The following TMX4 variants were observed in gnomAD, a reference collection of about 807,000 sequenced individuals.
TMX4 encodes thioredoxin-related transmembrane protein 4.
Under a neutral mutation model 33.3 loss-of-function variants are expected in TMX4, and 23 were observed. The ratio of observed to expected loss-of-function variants is 0.69; its 90% CI spans 0.50 to 0.98. TMX4 has a LOEUF of 0.98. Ranked by LOEUF, TMX4 falls within the 50% of genes least tolerant of loss-of-function variation. The probability of loss-of-function intolerance (pLI) is 0.00; values close to 1 mark genes in which losing one functional copy is unlikely to be tolerated. For synonymous variants in TMX4, 164 were observed against 161.5 expected, an observed-to-expected ratio of 1.02 and a Z score of -0.12; for missense variants, 399 against 448.9, an observed-to-expected ratio of 0.89 and a Z score of 1.01.
At chr20:7,983,305 C>T (rs1215946478) in intron 7 of TMX4, among the ~76,000 whole-genome samples, 2 of 152,048 alleles carry the variant, frequency 1.3e-5, no homozygotes, top group African/African-American at 4.8e-5. Flanking sequence ...ATTTAAACTC[C>T]CACATAAAAT....
intron 7 of TMX4, 44 bp downstream of exon 7, chr20:7,983,750 G>T: frequency 1.3e-6 from 2 of 1,567,830 alleles, no homozygotes; most frequent in Non-Finnish European, 1.7e-6. Context: ...GCACATCACA[G>T]AATTCCAAAA....
At chr20:8,019,305 T>C (rs1568541679) in intron 1 of TMX4, 133 bp downstream of exon 1, 2 of 1,082,380 alleles carry the variant, frequency 1.8e-6, no homozygotes, top group East Asian at 3.3e-5. Context: ...GCGCCGCAGG[T>C]TGTTGGCAAG....
intron 4 of TMX4, among the ~76,000 whole-genome samples, chr20:7,996,939 G>C (rs937642627): frequency 6.6e-6 from 1 of 152,026 alleles, no homozygotes; most frequent in African/African-American, 2.4e-5. Flanking sequence ...ACCACTACAG[G>C]AACAGATTGT....
Position 7,982,297 on chromosome 20 carries a change from T to G in TMX4, c.1004A>C (p.Asp335Ala), listed in dbSNP as rs755694763. 1 of 1,613,724 alleles carries G rather than the reference T, an allele frequency of 6.2e-7. No individual in the cohort carries two copies. The highest frequency in any genetic ancestry group is 8.5e-7 in the Non-Finnish European group (1 of 1,179,944). The change falls in exon 8 of 8, where the codon GAC (aspartate) becomes GCC (alanine). Residue 335 changes from aspartate (D) to alanine (A), a missense_variant. Coordinates refer to ENST00000246024, the MANE Select transcript of TMX4 (RefSeq NM_021156.4). ...CTGACTTTTACGCTGCCTCAAGGAGTCTTCCACCACCTCTGTGTCAGCTGG... is the reference window on the plus strand; with the variant it reads ...CTGACTTTTACGCTGCCTCAAGGAGGCTTCCACCACCTCTGTGTCAGCTGG... The part of the protein sequence containing the change: ...PCPADTEVVE[D>A]SLRQRKSQHA...
chr20:8,004,245 AT>A (rs1299201945), intron 2 of TMX4, among the ~76,000 whole-genome samples: 2 of 152,170 alleles, frequency 1.3e-5, no homozygotes, highest in African/African-American at 4.8e-5. Flanking sequence ...GTCCAGGAAA[AT>A]TTTCATTACC....
At chr20:8,015,218 C>T (rs2205782) in intron 1 of TMX4, among the ~76,000 whole-genome samples, 143,316 of 152,246 alleles carry the variant, frequency 0.94, 67,621 homozygotes, top group East Asian at 1. Context: ...TTGTGGAAAC[C>T]ATCTAAAATC....
At chr20:7,997,412 T>G (rs2050681057) in intron 4 of TMX4, among the ~76,000 whole-genome samples, 1 of 152,030 alleles carries the variant, frequency 6.6e-6, no homozygotes, top group African/African-American at 2.4e-5. Flanking sequence ...AACCACCCCC[T>G]CTTTTTTTCC....
intron 5 of TMX4, among the ~76,000 whole-genome samples, chr20:7,994,049 T>C (rs2122860973): frequency 6.6e-6 from 1 of 152,140 alleles, no homozygotes; most frequent in East Asian, 1.9e-4. Context: ...AGAAAACACA[T>C]GGTATTAATA....
chr20:7,991,710 T>C (rs142626003), intron 5 of TMX4, among the ~76,000 whole-genome samples: 3 of 151,924 alleles, frequency 2.0e-5, no homozygotes, highest in African/African-American at 7.3e-5. Flanking sequence ...AAGGAAAAAG[T>C]AAAATAATGA....
At chr20:8,010,044 C>A (rs2050746468) in intron 2 of TMX4, among the ~76,000 whole-genome samples, 156 bp downstream of exon 2, 1 of 151,882 alleles carries the variant, frequency 6.6e-6, no homozygotes, top group Non-Finnish European at 1.5e-5. Flanking sequence ...CACGTAAAGA[C>A]AGATCCAAGT....
At chr20:7,989,496 T>C (rs1424625273) in intron 5 of TMX4, among the ~76,000 whole-genome samples, 5 of 152,256 alleles carry the variant, frequency 3.3e-5, no homozygotes, top group African/African-American at 1.2e-4. Context: ...AAACACTTAG[T>C]ACTTTCAAAA....
In TMX4 at chr20:7,993,932, T is replaced by C. The variant is rs2050665608; in HGVS notation, c.513+2094A>G. On this transcript the variant is annotated intron_variant, in intron 5 of 7. Coordinates refer to ENST00000246024, the MANE Select transcript of TMX4 (RefSeq NM_021156.4). ...AATAAATATAAATGGATTAAATTCATCAGTTAAAAGAATTATATCTTGCTA... is the reference window on the plus strand; with the variant it reads ...AATAAATATAAATGGATTAAATTCACCAGTTAAAAGAATTATATCTTGCTA... Among the ~76,000 whole-genome samples the C allele has an allele frequency of 3.9e-5, 6 of 152,130 alleles. No individual in the cohort carries two copies. In the South Asian group the frequency reaches 1.2e-3, roughly 31 times the overall value.
rs1343594084 is a variant in TMX4, at chr20:7,996,089, A to C, written c.468-18T>G. Reference sequence around the variant, plus strand: ...CAGACATCCTTAAAAAAAAATAAAGAGAAGAAACAGTGATCATATATACTA... The same window carrying C: ...CAGACATCCTTAAAAAAAAATAAAGCGAAGAAACAGTGATCATATATACTA... On this transcript the variant is annotated intron_variant, in intron 4 of 7. Coordinates refer to ENST00000246024, the MANE Select transcript of TMX4 (RefSeq NM_021156.4). 1 of 1,604,826 alleles carries C rather than the reference A, an allele frequency of 6.2e-7. No individual in the cohort carries two copies. The highest frequency in any genetic ancestry group is 2.2e-5 in the East Asian group (1 of 44,784).
At position 7,982,251 on chromosome 20, in the gene TMX4, C is replaced by T; in HGVS notation, c.1050G>A (p.Ter350=). 1 of 1,612,050 alleles carries T rather than the reference C, an allele frequency of 6.2e-7. No homozygotes were observed. Among genetic ancestry groups the T allele is most frequent in the Non-Finnish European group, 8.5e-7 (1 of 1,178,916 alleles). Residue 350 remains the stop codon, a stop_retained_variant, in exon 8 of 8, where the codon TAG becomes TAA. Coordinates refer to ENST00000246024, the MANE Select transcript of TMX4 (RefSeq NM_021156.4). ...RKSQHADKGL[*] ...TATTCTTGAAAACGCATCATTAAAT[C>T]TACAGTCCCTTGTCAGCATGCTGAC... is the stretch of plus-strand genomic sequence containing the variant.
chr20:8,005,373 G>A (rs1344112091), intron 2 of TMX4, among the ~76,000 whole-genome samples: 3 of 152,118 alleles, frequency 2.0e-5, no homozygotes, highest in African/African-American at 4.8e-5. Context: ...CTAATCTAAG[G>A]GCTGCCCTTT....
chr20:7,992,927 G>A (rs1485626787), intron 5 of TMX4, among the ~76,000 whole-genome samples: 7 of 152,090 alleles, frequency 4.6e-5, no homozygotes, highest in Non-Finnish European at 7.4e-5. Context: ...TAGAAAAAAC[G>A]TTTTTAAAAA....
chr20:7,981,164 C>T lies in TMX4; in HGVS notation c.*1087G>A, dbSNP rs1161819372. The T allele has an allele frequency of 6.6e-6, 1 of 151,970 alleles. No homozygotes were observed. The highest frequency in any genetic ancestry group is 2.4e-5 in the African/African-American group (1 of 41,376). 9.4% of individuals were successfully genotyped at this position (151,970 alleles called of 1,614,324 possible). ...AGATTACAGAAGATGGAAACAAAAT[C>T]AAATCTTTCACTTTCAGGTACTGGA... is the stretch of plus-strand genomic sequence containing the variant. On this transcript the variant is annotated 3_prime_UTR_variant, in exon 8 of 8. Coordinates refer to ENST00000246024, the MANE Select transcript of TMX4 (RefSeq NM_021156.4).
intron 5 of TMX4, among the ~76,000 whole-genome samples, chr20:7,989,528 T>G (rs1367509448): frequency 2.6e-5 from 4 of 152,238 alleles, no homozygotes; most frequent in Non-Finnish European, 5.9e-5. Flanking sequence ...TTTAATAAGC[T>G]GCACTTCAAT....
intron 1 of TMX4, 67 bp downstream of exon 1, chr20:8,019,371 C>G: frequency 6.8e-7 from 1 of 1,471,348 alleles, no homozygotes; most frequent in East Asian, 2.9e-5. Flanking sequence ...GCCACCGGGC[C>G]GCGCGGGCTT....
Sources: allele counts gnomAD v4.1 joint callset (sites outside exome capture counted in the v4.1 genomes callset), GRCh38; gene constraint gnomAD v4.1.1; transcripts MANE v1.5; gene names NCBI Gene and HGNC (gene_info 2026-07-23, HGNC 2026-07-21).